The following ANO2 variants were observed in gnomAD, a reference collection of about 807,000 sequenced individuals.
The protein encoded by ANO2 is anoctamin 2.
ANO2 carries 101 observed loss-of-function variants against 124.2 expected under a neutral mutation model. The observed-to-expected ratio is 0.81, with a 90% CI of 0.69 to 0.96. The LOEUF (loss-of-function observed/expected upper bound fraction) is 0.96, where lower values mean the gene tolerates loss of function less well. Ranked by LOEUF, ANO2 falls within the 40% of genes least tolerant of loss-of-function variation. ANO2 has a pLI of 0.00. For missense variants in ANO2, 1,293 were observed against 1,274.5 expected (o/e 1.01, Z -0.22); for synonymous variants, 486 against 482.5 (o/e 1.01, Z -0.09).
intron 11 of ANO2, among the ~76,000 whole-genome samples, chr12:5,749,426 A>C (rs1951373612): frequency 6.6e-6 from 1 of 152,240 alleles, no homozygotes; most frequent in Admixed American, 6.5e-5. Flanking sequence ...AAGGTGTAAC[A>C]CCCATGAGCT....
chr12:5,790,363 C>T (rs924084129), intron 10 of ANO2, among the ~76,000 whole-genome samples: 1 of 152,142 alleles, frequency 6.6e-6, no homozygotes, highest in African/African-American at 2.4e-5. Context: ...ACCTGAGATC[C>T]TCTCCTGAAT....
chr12:5,563,557 C>G lies in ANO2; in HGVS notation c.2739G>C (p.Met913Ile). The G allele has an allele frequency of 1.2e-6, 2 of 1,613,952 alleles. No individual in the cohort carries two copies. The highest frequency in any genetic ancestry group is 4.5e-5 in the East Asian group (2 of 44,884). The change falls in exon 25 of 25, where the codon ATG (methionine) becomes ATC (isoleucine). Residue 913 changes from methionine (M) to isoleucine (I), a missense_variant. Transcript: ENST00000682330. ...TCCAGTCCACGAGGACGCTCAGGAA[C>G]ATCACGAGGTTCTGCAAAAAGCCAA... ...AFVIIFQNLV[M>I]FLSVLVDWMI...
At chr12:5,839,718 T>C in intron 4 of ANO2, 1 of 432,600 alleles carries the variant, frequency 2.3e-6, no homozygotes, top group South Asian at 1.6e-5. Context: ...AGCACTTCCC[T>C]GAGCATCATT....
chr12:5,732,713 T>A, intron 13 of ANO2, 83 bp from the exon 14 acceptor site: 1 of 1,522,302 alleles, frequency 6.6e-7, no homozygotes, highest in Non-Finnish European at 9.1e-7. Flanking sequence ...ACATGTACAT[T>A]AACGTCAGCG....
chr12:5,880,793 T>C (rs1016608167), intron 3 of ANO2, among the ~76,000 whole-genome samples: 37 of 141,464 alleles, frequency 2.6e-4, no homozygotes, highest in Non-Finnish European at 1.0e-4. Context: ...AAGAGATGGA[T>C]AGGTGGATGG....
At chr12:5,625,406 C>T (rs1945347013) in intron 16 of ANO2, among the ~76,000 whole-genome samples, 1 of 151,720 alleles carries the variant, frequency 6.6e-6, no homozygotes, top group African/African-American at 2.4e-5. Flanking sequence ...GTGAGAGTGC[C>T]AGGGAGAGAG....
At chr12:5,612,866 G>A in intron 18 of ANO2, 35 bp downstream of exon 18, 1 of 1,613,084 alleles carries the variant, frequency 6.2e-7, no homozygotes, top group South Asian at 1.1e-5. Context: ...GCTGGGTTGG[G>A]GTGCCAGGCA....
chr12:5,612,811 G>A, intron 18 of ANO2, 55 bp from the exon 19 acceptor site: 1 of 1,609,488 alleles, frequency 6.2e-7, no homozygotes, highest in Non-Finnish European at 8.5e-7. Flanking sequence ...GCTCTGAGAA[G>A]CAGGGGCGCG....
rs533620425 is a variant in ANO2 at position 5,754,574 on chromosome 12, G to C, written c.1056-3604C>G. Among the ~76,000 whole-genome samples the C allele has an allele frequency of 1.4e-4, 21 of 152,046 alleles. No individual in the cohort carries two copies. In the East Asian group the frequency reaches 3.9e-3, roughly 28 times the overall value. On this transcript the variant is annotated intron_variant, in intron 10 of 24. Transcript: ENST00000682330. ...TTTTCTTTGCTGAGAGTTTTGTTTTGTTTCATTTTGTTTGTTTGTTTTCAA... is the reference window on the plus strand; with the variant it reads ...TTTTCTTTGCTGAGAGTTTTGTTTTCTTTCATTTTGTTTGTTTGTTTTCAA...
intron 16 of ANO2, among the ~76,000 whole-genome samples, chr12:5,634,474 T>C (rs935791517): frequency 2.6e-5 from 4 of 152,084 alleles, no homozygotes; most frequent in Non-Finnish European, 5.9e-5. Context: ...CCAGAGTAAA[T>C]ACAATGGGAC....
intron 22 of ANO2, among the ~76,000 whole-genome samples, chr12:5,577,055 G>C (rs1942453802): frequency 6.6e-6 from 1 of 152,252 alleles, no homozygotes; most frequent in Non-Finnish European, 1.5e-5. Context: ...GATGGAAAGT[G>C]ATTAATACTC....
chr12:5,732,865 C>A (rs200963904), intron 13 of ANO2: 2 of 1,613,862 alleles, frequency 1.2e-6, no homozygotes, highest in African/African-American at 1.3e-5. Flanking sequence ...GAAAACCAAA[C>A]CTGGGCACGT....
chr12:5,946,130 A>G (rs779830882), upstream of ANO2: 2 of 1,613,230 alleles, frequency 1.2e-6, no homozygotes, highest in East Asian at 4.5e-5. This position sits in a 1 kb window ranked among gnomAD's most constrained non-coding sequence, Gnocchi z 4.1. Context: ...AAGGTCAAGT[A>G]TGCCATTTGT....
In ANO2 at chr12:5,743,922, T is replaced by G. The variant is rs757342227; in HGVS notation, c.1351+235A>C. Among the ~76,000 whole-genome samples, 5 of 152,196 alleles carry G rather than the reference T, an allele frequency of 3.3e-5. 1 individual carries two copies. The highest frequency in any genetic ancestry group is 5.9e-5 in the Non-Finnish European group (4 of 68,036). ...CTGAATAAATCACACATGGGGCTAG[T>G]ACATGGTTAGCATGACTACATCTGA... On this transcript the variant is annotated intron_variant, in intron 12 of 24. Transcript: ENST00000682330.
intron 3 of ANO2, among the ~76,000 whole-genome samples, chr12:5,860,707 A>G (rs1955241684): frequency 6.6e-6 from 1 of 152,194 alleles, no homozygotes; most frequent in African/African-American, 2.4e-5. Context: ...CTGACCAGGA[A>G]CCATCTAAAG....
chr12:5,834,454 T>C (rs1954254135), intron 4 of ANO2, among the ~76,000 whole-genome samples: 1 of 152,208 alleles, frequency 6.6e-6, no homozygotes, highest in Non-Finnish European at 1.5e-5. Context: ...CTTTGAGGGT[T>C]CAAAGAAAGG....
chr12:5,852,886 T>TGTG (rs1555173626), intron 4 of ANO2, among the ~76,000 whole-genome samples: 1 of 149,322 alleles, frequency 6.7e-6, no homozygotes, highest in Non-Finnish European at 1.5e-5. Flanking sequence ...TGTGTGTGTG[T>TGTG]GTGTGGTGTA....
intron 10 of ANO2, among the ~76,000 whole-genome samples, chr12:5,767,017 T>C (rs1331459867): frequency 6.6e-6 from 1 of 151,962 alleles, no homozygotes; most frequent in Non-Finnish European, 1.5e-5. Flanking sequence ...AAGAGCAGAG[T>C]TGAGCAGGAG....
intron 10 of ANO2, among the ~76,000 whole-genome samples, chr12:5,783,291 C>T (rs896024932): frequency 1.3e-5 from 2 of 152,174 alleles, no homozygotes; most frequent in Non-Finnish European, 2.9e-5. Context: ...AATCTTGATT[C>T]TCTTATCTCT....
Sources: gnomAD v4.1 joint callset for allele counts (sites outside exome capture counted in the v4.1 genomes callset) on GRCh38, gnomAD v4.1.1 for gene constraint, Gnocchi (gnomAD v3.1) non-coding constraint, MANE v1.5 for transcripts, NCBI Gene and HGNC (gene_info 2026-07-23, HGNC 2026-07-21) for gene names.